CSMD1: variants seen among roughly 807,000 people sequenced by gnomAD.
The protein encoded by CSMD1 is CUB and sushi domain-containing protein 1.
In CSMD1, 213 loss-of-function variants were observed where a neutral mutation model predicts 417.5. That is an observed-to-expected ratio of 0.51 (90% CI 0.46 to 0.57). CSMD1 has a LOEUF of 0.57. Among genes scored for constraint, CSMD1 ranks in the 20% least tolerant of loss-of-function variants. The pLI is 0.00. For missense variants in CSMD1, 6,923 were observed against 4,529.7 expected, an observed-to-expected ratio of 1.53 and a Z score of -15.17; for synonymous variants, 2,862 against 1,736.8, an observed-to-expected ratio of 1.65 and a Z score of -16.11.
At chr8:4,186,566 T>C (rs1431770593) in intron 3 of CSMD1, among the ~76,000 whole-genome samples, 4 of 152,176 alleles carry the variant, frequency 2.6e-5, no homozygotes, top group Non-Finnish European at 4.4e-5. Context: ...GACGAAATAA[T>C]AGGAAGGGTC....
intron 25 of CSMD1, among the ~76,000 whole-genome samples, chr8:3,289,407 C>G (rs1287840023): frequency 6.8e-6 from 1 of 147,372 alleles, no homozygotes; most frequent in Non-Finnish European, 1.5e-5. Flanking sequence ...GCCACACTGA[C>G]TTCACAATGG....
At chr8:4,451,559 C>CG (rs1799145944) in intron 2 of CSMD1, among the ~76,000 whole-genome samples, 1 of 151,824 alleles carries the variant, frequency 6.6e-6, no homozygotes, top group Admixed American at 6.6e-5. Context: ...AAAGGGTGAG[C>CG]GATAGAGTGA....
chr8:3,510,862 T>G lies in CSMD1; in HGVS notation c.1345-17136A>C, dbSNP rs540460976. On this transcript the variant is annotated intron_variant, in intron 10 of 69. Coordinates refer to ENST00000635120, the MANE Select transcript of CSMD1 (RefSeq NM_033225.6). Reference sequence around the variant, plus strand: ...CCCACTTTTTGATGGGGTTGTTTTTTCCTTGTAAATTTGTTTAAGTTCCTT... The same window carrying G: ...CCCACTTTTTGATGGGGTTGTTTTTGCCTTGTAAATTTGTTTAAGTTCCTT... Among the ~76,000 whole-genome samples, 266 of 151,954 alleles carry G rather than the reference T, an allele frequency of 1.8e-3. 5 individuals carry two copies. Among genetic ancestry groups the G allele is most frequent in the African/African-American group, 6.1e-3 (251 of 41,204 alleles).
intron 23 of CSMD1, among the ~76,000 whole-genome samples, chr8:3,342,780 T>G (rs769910425): frequency 1.3e-5 from 2 of 152,184 alleles, no homozygotes; most frequent in African/African-American, 4.8e-5. Context: ...GTATTCCTCT[T>G]AGTTCTCTCG....
intron 5 of CSMD1, among the ~76,000 whole-genome samples, chr8:3,846,550 A>G (rs1340171251): frequency 6.6e-6 from 1 of 152,256 alleles, no homozygotes; most frequent in East Asian, 1.9e-4. Flanking sequence ...GGGCTAGAGC[A>G]TATGAAATGT....
At chr8:2,985,343 G>T (rs1282911006) in intron 54 of CSMD1, among the ~76,000 whole-genome samples, 2 of 151,736 alleles carry the variant, frequency 1.3e-5, no homozygotes, top group African/African-American at 4.8e-5. Flanking sequence ...GTGTGATACT[G>T]CTACACTGTT....
chr8:4,501,771 C>G (rs1000553090), intron 2 of CSMD1, among the ~76,000 whole-genome samples: 1 of 152,056 alleles, frequency 6.6e-6, no homozygotes, highest in African/African-American at 2.4e-5. Flanking sequence ...CATTTGTGTT[C>G]AAGTTGTCGT....
intron 1 of CSMD1, among the ~76,000 whole-genome samples, chr8:4,729,371 G>C (rs1321108683): frequency 6.6e-6 from 1 of 152,174 alleles, no homozygotes; most frequent in Non-Finnish European, 1.5e-5. Flanking sequence ...GTAGGTTCAA[G>C]AGAGAATTGG....
At chr8:3,917,936 A>G (rs945639163) in intron 5 of CSMD1, among the ~76,000 whole-genome samples, 2 of 152,256 alleles carry the variant, frequency 1.3e-5, no homozygotes, top group East Asian at 3.9e-4. Flanking sequence ...AGCATTTAAA[A>G]TCTAATTTTA....
At chr8:4,237,535 T>TG (rs1802141058) in intron 3 of CSMD1, among the ~76,000 whole-genome samples, 1 of 11,472 alleles carries the variant, frequency 8.7e-5, no homozygotes, top group Non-Finnish European at 3.1e-3. Flanking sequence ...TCAATACTAC[T>TG]TTTTTTTTTT....
intron 3 of CSMD1, among the ~76,000 whole-genome samples, chr8:4,404,528 C>T (rs57043821): frequency 0.19 from 29,149 of 152,048 alleles, 3,222 homozygotes; most frequent in Non-Finnish European, 0.25. Flanking sequence ...AAATAAGTTT[C>T]ATGAAGGTGA....
At chr8:4,570,123 T>A (rs890866064) in intron 2 of CSMD1, among the ~76,000 whole-genome samples, 1 of 152,054 alleles carries the variant, frequency 6.6e-6, no homozygotes, top group Admixed American at 6.6e-5. Context: ...AATTGAATAC[T>A]CTTTCTTTCT....
At chr8:4,537,823 C>G (rs567223191) in intron 2 of CSMD1, among the ~76,000 whole-genome samples, 1 of 152,138 alleles carries the variant, frequency 6.6e-6, no homozygotes, top group African/African-American at 2.4e-5. Context: ...AACAGAGCTG[C>G]GTAAGATCCA....
intron 47 of CSMD1, among the ~76,000 whole-genome samples, chr8:3,094,659 A>G (rs930526733): frequency 2.0e-5 from 3 of 152,174 alleles, no homozygotes; most frequent in Admixed American, 6.5e-5. Context: ...AATGATTAAA[A>G]TACTGTGTTT....
chr8:4,077,906 C>T (rs985870607), intron 3 of CSMD1, among the ~76,000 whole-genome samples: 6 of 152,066 alleles, frequency 3.9e-5, no homozygotes, highest in African/African-American at 1.4e-4. Context: ...AATGTCCTTC[C>T]CGAAGACCTT....
At chr8:4,695,540 G>T (rs1241511470) in intron 1 of CSMD1, among the ~76,000 whole-genome samples, 1 of 152,050 alleles carries the variant, frequency 6.6e-6, no homozygotes, top group African/African-American at 2.4e-5. Flanking sequence ...GCAGTTTTAA[G>T]TTCACAGAAA....
At chr8:3,194,036 T>C (rs1457838513) in intron 33 of CSMD1, among the ~76,000 whole-genome samples, 1 of 152,216 alleles carries the variant, frequency 6.6e-6, no homozygotes, top group Non-Finnish European at 1.5e-5. Context: ...GGACATTTTC[T>C]CTCTCAAAAT....
chr8:4,044,851 T>C (rs755073583), intron 3 of CSMD1, among the ~76,000 whole-genome samples: 10 of 152,242 alleles, frequency 6.6e-5, no homozygotes, highest in Non-Finnish European at 1.3e-4. Context: ...TGTACCATGC[T>C]GGGGACTGCA....
intron 10 of CSMD1, among the ~76,000 whole-genome samples, chr8:3,543,495 C>A (rs907708446): frequency 6.6e-6 from 1 of 151,926 alleles, no homozygotes. Flanking sequence ...CCGAGACTGG[C>A]AATTAACTGT....
Sources: gnomAD v4.1 joint callset for allele counts (sites outside exome capture counted in the v4.1 genomes callset) on GRCh38, gnomAD v4.1.1 for gene constraint, MANE v1.5 for transcripts, NCBI Gene and HGNC (gene_info 2026-07-23, HGNC 2026-07-21) for gene names.